ELAC2: variants seen among roughly 807,000 people sequenced by gnomAD.
ELAC2 encodes the protein zinc phosphodiesterase ELAC protein 2.
ELAC2 carries 92 observed loss-of-function variants against 105.2 expected under a neutral mutation model. The observed-to-expected ratio is 0.87, with a 90% CI of 0.74 to 1.04. ELAC2 has a LOEUF of 1.04. Among genes scored for constraint, ELAC2 ranks in the 50% least tolerant of loss-of-function variants. The probability of loss-of-function intolerance (pLI) is 0.00; values close to 1 mark genes in which losing one functional copy is unlikely to be tolerated. For missense variants in ELAC2, 1,099 were observed against 1,071.7 expected (o/e 1.03, Z -0.36); for synonymous variants, 468 against 409.1 (o/e 1.14, Z -1.74).
chr17:13,009,233 A>C (rs1338292238), intron 8 of ELAC2, among the ~76,000 whole-genome samples: 1 of 149,972 alleles, frequency 6.7e-6, no homozygotes, highest in African/African-American at 2.4e-5. Context: ...CTTGCCACTA[A>C]TATTAACTAC....
chr17:12,998,910 C>T (rs1317268493), intron 15 of ELAC2, among the ~76,000 whole-genome samples: 2 of 152,174 alleles, frequency 1.3e-5, no homozygotes, highest in Non-Finnish European at 2.9e-5. Context: ...AAGCTAGGGC[C>T]GTGACCTTCA....
intron 12 of ELAC2, chr17:13,002,872 G>C: frequency 7.1e-5 from 33 of 464,352 alleles, no homozygotes; most frequent in East Asian, 2.6e-4. Flanking sequence ...GAATGAAAGA[G>C]ACAGCAGGAG....
chr17:13,003,712 C>A, intron 11 of ELAC2, 138 bp from the exon 12 acceptor site: 1 of 740,958 alleles, frequency 1.3e-6, no homozygotes, highest in Non-Finnish European at 2.3e-6. Flanking sequence ...CCAGGCCATG[C>A]TCTCACAGCA....
intron 15 of ELAC2, 89 bp from the exon 16 acceptor site, chr17:12,998,597 T>A: frequency 1.6e-6 from 2 of 1,254,322 alleles, no homozygotes; most frequent in Non-Finnish European, 2.3e-6. Flanking sequence ...GGTTTGAGTG[T>A]CATTGGTTTG....
At chr17:13,016,797 G>A in intron 3 of ELAC2, 65 bp downstream of exon 3, 1 of 1,453,840 alleles carries the variant, frequency 6.9e-7, no homozygotes. Flanking sequence ...TTGGAAAAAT[G>A]GTAAAGCCGG....
In ELAC2 at chr17:12,995,763, T is replaced by C. The variant is rs2040436367; in HGVS notation, c.1748A>G (p.Gln583Arg). Residue 583 changes from glutamine to arginine, a missense_variant, in exon 19 of 24, where the codon CAG becomes CGG. By Grantham distance (43) the Gln-to-Arg change is conservative. Transcript: ENST00000338034. ...GTACTGCTGGAGCCAGGCTTTGAGC[T>C]GGTTGGGGGCAACCACCAGCAAAGG... is the stretch of plus-strand genomic sequence containing the variant. ...LHPLLVVAPN[Q>R]LKAWLQQYHN... 3 of 1,613,038 alleles carry C rather than the reference T, an allele frequency of 1.9e-6. No homozygotes were observed. The highest frequency in any genetic ancestry group is 2.5e-6 in the Non-Finnish European group (3 of 1,179,632).
chr17:12,993,403 G>A (rs1311073279), intron 23 of ELAC2, among the ~76,000 whole-genome samples: 4 of 152,226 alleles, frequency 2.6e-5, no homozygotes, highest in Non-Finnish European at 5.9e-5. Flanking sequence ...TGTCTCACAG[G>A]TCTGTGCTGA....
At chr17:13,017,603 G>A (rs2041817051) in intron 1 of ELAC2, 100 bp downstream of exon 1, 16 of 1,583,178 alleles carry the variant, frequency 1.0e-5, no homozygotes, top group Non-Finnish European at 1.4e-5. Flanking sequence ...TGAACCACAT[G>A]TGTGAAGCAG....
chr17:13,014,479 T>G lies in ELAC2; in HGVS notation c.450A>C (p.Ala150=), dbSNP rs200345003. 14 of 1,613,592 alleles carry G rather than the reference T, an allele frequency of 8.7e-6. No individual in the cohort carries two copies. In the East Asian group the frequency reaches 2.7e-4, roughly 31 times the overall value. ...GPPQLEKYLE[A]IKIFSGPLKG... ...TCAATGGACCAGAAAATATTTTGAT[T>G]GCTTCGAGGTATTTTTCCTAATGAA... is the stretch of plus-strand genomic sequence containing the variant. Residue 150 remains alanine, a synonymous_variant, in exon 5 of 24, where the codon GCA becomes GCC. Coordinates refer to ENST00000338034, the MANE Select transcript of ELAC2 (RefSeq NM_018127.7).
At chr17:13,006,439 GA>G (rs2041115769) in intron 8 of ELAC2, 1 of 219,004 alleles carries the variant, frequency 4.6e-6, no homozygotes, top group East Asian at 1.1e-4. Context: ...ATTGCTTTCA[GA>G]AGGTATACCA....
chr17:13,011,721 G>T lies in ELAC2; in HGVS notation c.621C>A (p.Leu207=). The part of the protein sequence containing the change: ...WQSPERPLSR[L]SPERSSDSES... ...CGGAGTCTGAAGATCGCTCTGGACT[G>T]AGCCTGCTGAGAGGCCTTTCTGGAC... is the stretch of plus-strand genomic sequence containing the variant. The change falls in exon 7 of 24, where the codon CTC becomes CTA. Residue 207 remains leucine, a synonymous_variant. Transcript: ENST00000338034. 1 of 1,614,152 alleles carries T rather than the reference G, an allele frequency of 6.2e-7. No homozygotes were observed. Among genetic ancestry groups the T allele is most frequent in the Non-Finnish European group, 8.5e-7 (1 of 1,180,026 alleles).
intron 21 of ELAC2, 99 bp downstream of exon 21, chr17:12,994,665 T>G: frequency 1.2e-6 from 2 of 1,608,844 alleles, no homozygotes; most frequent in South Asian, 2.2e-5. Flanking sequence ...CTGAGTCTCC[T>G]GCCTCTGCTG....
chr17:12,994,773 C>T lies in ELAC2; in HGVS notation c.2020G>A (p.Val674Ile), dbSNP rs750302074. 1 of 1,613,974 alleles carries T rather than the reference C, an allele frequency of 6.2e-7. No homozygotes were observed. Among genetic ancestry groups the T allele is most frequent in the East Asian group, 2.2e-5 (1 of 44,878 alleles). The stretch of plus-strand genomic sequence containing the variant: ...TTCTTCCTCTACTCACCCATCCGGA[C>T]CAGAGCCTCGCAGGGCATGGTGTCC... ...SGDTMPCEAL[V>I]RMGKDATLLI... Residue 674 changes from valine (V) to isoleucine (I), a missense_variant, in exon 21 of 24, where the codon GTC becomes ATC. Transcript: ENST00000338034.
Position 12,994,971 on chromosome 17 carries a change from A to G in ELAC2, c.1900T>C (p.Leu634=). The change falls in exon 20 of 24, where the codon TTG becomes CTG. Residue 634 remains leucine (L), a synonymous_variant. Transcript: ENST00000338034. ...LISSLLRTCD[L]EEFQTCLVRH... is the part of the protein sequence containing the mutation. ...GCGGCTGTGCCCCTTACCTCTTCCAAATCACATGTTCGCAACAGCGAACTG... is the reference window on the plus strand; with the variant it reads ...GCGGCTGTGCCCCTTACCTCTTCCAGATCACATGTTCGCAACAGCGAACTG... 2 of 1,614,144 alleles carry G rather than the reference A, an allele frequency of 1.2e-6. No individual in the cohort carries two copies. Among genetic ancestry groups the G allele is most frequent in the Non-Finnish European group, 1.7e-6 (2 of 1,180,024 alleles).
rs868238661 is a variant in ELAC2 at position 13,002,284 on chromosome 17, C to T, written c.1294G>A (p.Glu432Lys). 3.1e-6 allele frequency: 5 copies of T among 1,614,078 alleles called. No homozygotes were observed. The African/African-American group carries it at 4.0e-5, about 13-fold the overall frequency. Reference sequence around the variant, plus strand: ...CAAGATGGCACAGACCTCTGCCACTCCCTCCTGGGACGGAGCTGGTACTTG... The same window carrying T: ...CAAGATGGCACAGACCTCTGCCACTTCCTCCTGGGACGGAGCTGGTACTTG... Reference protein sequence around the residue: ...LLKYQLRPRREWQRDAIITCN... With the variant: ...LLKYQLRPRRKWQRDAIITCN... The change falls in exon 14 of 24, where the codon GAG becomes AAG. Residue 432 changes from glutamate to lysine, a missense_variant. Transcript: ENST00000338034.
rs1567742350 is a variant in ELAC2 at position 12,994,876 on chromosome 17, G to A, written c.1917C>T (p.Thr639=). The change falls in exon 21 of 24, where the codon ACC becomes ACT. Residue 639 remains threonine, a synonymous_variant. Transcript: ENST00000338034. ...CATGCTTGCAGTGCCGCACCAGACA[G>A]GTCTGAAACTGAAAGGGTGGGGCTG... The part of the protein sequence containing the change: ...LRTCDLEEFQ[T]CLVRHCKHAF... 2 of 1,614,086 alleles carry A rather than the reference G, an allele frequency of 1.2e-6. No homozygotes were observed. Among genetic ancestry groups the A allele is most frequent in the Non-Finnish European group, 8.5e-7 (1 of 1,180,032 alleles).
At chr17:13,001,740 A>G in intron 14 of ELAC2, among the ~76,000 whole-genome samples, 1 of 82,162 alleles carries the variant, frequency 1.2e-5, no homozygotes, top group South Asian at 3.8e-4. Flanking sequence ...TCATTCATTA[A>G]AAACAACAAA....
At chr17:13,007,874 T>C (rs895145142) in intron 8 of ELAC2, among the ~76,000 whole-genome samples, 5 of 151,442 alleles carry the variant, frequency 3.3e-5, no homozygotes, top group Admixed American at 3.3e-4. Flanking sequence ...AAAGACTCCG[T>C]CTCAAAAATA....
intron 17 of ELAC2, 62 bp downstream of exon 17, chr17:12,996,485 G>A: frequency 6.2e-7 from 1 of 1,610,242 alleles, no homozygotes; most frequent in Non-Finnish European, 8.5e-7. Flanking sequence ...CAGCCAAAGG[G>A]CCAACTCAAC....
Sources: allele counts gnomAD v4.1 joint callset (sites outside exome capture counted in the v4.1 genomes callset), GRCh38; gene constraint gnomAD v4.1.1; transcripts MANE v1.5; gene names NCBI Gene and HGNC (gene_info 2026-07-23, HGNC 2026-07-21).